WDR27: variants seen among roughly 807,000 people sequenced by gnomAD.
WDR27 encodes WD repeat-containing protein 27.
A neutral mutation model predicts 114.4 loss-of-function variants in WDR27; 100 were observed. The ratio of observed to expected loss-of-function variants is 0.87; its 90% CI spans 0.74 to 1.03. The LOEUF (loss-of-function observed/expected upper bound fraction) is 1.03, where lower values mean the gene tolerates loss of function less well. Ranked by LOEUF, WDR27 falls within the 50% of genes least tolerant of loss-of-function variation. The probability of loss-of-function intolerance (pLI) is 0.00; values close to 1 mark genes in which losing one functional copy is unlikely to be tolerated. For missense variants in WDR27, 1,129 were observed against 1,092.9 expected (o/e 1.03, Z -0.47); for synonymous variants, 449 against 423.1 (o/e 1.06, Z -0.75).
intron 18 of WDR27, 63 bp from the exon 19 acceptor site, chr6:169,636,567 A>G (rs896259543): frequency 6.8e-7 from 1 of 1,467,000 alleles, no homozygotes; most frequent in African/African-American, 1.4e-5. Context: ...CTATTGCTCT[A>G]AACATAAAAT....
chr6:169,520,566 A>C (rs1356514566), intron 25 of WDR27, among the ~76,000 whole-genome samples: 5 of 152,134 alleles, frequency 3.3e-5, no homozygotes, highest in African/African-American at 1.2e-4. Flanking sequence ...CCAGTGACTG[A>C]CTCTCACAAG....
the WDR27 span, among the ~76,000 whole-genome samples, chr6:169,435,590 G>A: frequency 8.5e-5 from 13 of 152,244 alleles, no homozygotes; most frequent in Non-Finnish European, 1.6e-4. Context: ...AGATTTGACT[G>A]CCCCACTGGA....
intron 21 of WDR27, among the ~76,000 whole-genome samples, chr6:169,625,300 ACT>A (rs1814514515): frequency 6.6e-6 from 1 of 152,026 alleles, no homozygotes; most frequent in African/African-American, 2.4e-5. Context: ...TCAAGATGAG[ACT>A]CTCACAGGAG....
intron 22 of WDR27, among the ~76,000 whole-genome samples, chr6:169,607,355 C>T (rs779125890): frequency 9.2e-4 from 139 of 150,856 alleles, no homozygotes; most frequent in Non-Finnish European, 1.1e-3. Flanking sequence ...CATTAACAGG[C>T]GACTGAATAA....
At chr6:169,678,407 A>T (rs1246809648) in intron 2 of WDR27, among the ~76,000 whole-genome samples, 1 of 152,210 alleles carries the variant, frequency 6.6e-6, no homozygotes, top group Non-Finnish European at 1.5e-5. Flanking sequence ...TCTTTTGGCC[A>T]ATTTCTCCCT....
intron 6 of WDR27, chr6:169,666,542 G>C (rs1229383366): frequency 1.2e-5 from 12 of 985,426 alleles, no homozygotes; most frequent in African/African-American, 1.7e-5. Flanking sequence ...ACAAGCACAG[G>C]GGCTGCACGG....
rs1449777358 is a variant in WDR27 at position 169,684,365 on chromosome 6, C to T, written c.189+4452G>A. 6.6e-6 allele frequency among the ~76,000 whole-genome samples: 1 copy of T among 152,136 alleles called. No homozygotes were observed. The highest frequency in any genetic ancestry group is 2.4e-5 in the African/African-American group (1 of 41,420). On this transcript the variant is annotated intron_variant, in intron 2 of 25. Coordinates refer to ENST00000448612, the MANE Select transcript of WDR27 (RefSeq NM_182552.5). This position sits in a 1 kb window ranked among gnomAD's most constrained non-coding sequence, Gnocchi z 4.3. ...GGCACCCCTGCCCCAAGAAGAAATA[C>T]TTCTGGGCTGCCCAATGTCCCCGAG... is the stretch of plus-strand genomic sequence containing the variant.
rs1033021077 is a variant in WDR27 at position 169,647,608 on chromosome 6, A to G, written c.1657+165T>C. On this transcript the variant is annotated intron_variant, in intron 16 of 25. Transcript: ENST00000448612. ...CCCTCACTACAGTCGAGTGAAACGC[A>G]GTCTCGGTTTTCATCCAGACACAAA... 24 of 722,064 alleles carry G rather than the reference A, an allele frequency of 3.3e-5. No individual in the cohort carries two copies. The African/African-American group carries it at 3.5e-4, about 11-fold the overall frequency. The allele number at this position is 722,064 out of a possible 1,614,324, so 44.7% of individuals were successfully genotyped here.
At chr6:169,694,430 T>C (rs1785304581) in intron 1 of WDR27, among the ~76,000 whole-genome samples, 2 of 152,234 alleles carry the variant, frequency 1.3e-5, no homozygotes, top group Non-Finnish European at 2.9e-5. Context: ...AAAATTCTAC[T>C]TTTATAAATT....
At position 169,636,353 on chromosome 6, in the gene WDR27, AGGGCGGGGGGTGCCTACCTCTTAATCTC is replaced by A. The variant is rs1817655297; in HGVS notation, c.1993_2003+17del. On this transcript the variant is annotated splice_donor_variant and splice_donor_5th_base_variant and coding_sequence_variant and intron_variant, in exon 19 of 26. Transcript: ENST00000448612. LOFTEE classifies it high-confidence loss of function. ...TTCCTGTGATCTAAAAATAATGCAC[AGGGCGGGGGGTGCCTACCTCTTAATCTC>A]ATCTTTGCAAGTGTCAATGTGATAC... The A allele has an allele frequency of 6.2e-7, 1 of 1,606,704 alleles. No homozygotes were observed. Among genetic ancestry groups the A allele is most frequent in the African/African-American group, 1.3e-5 (1 of 74,484 alleles).
At chr6:169,559,546 T>C (rs1799378684) in intron 25 of WDR27, 1 of 152,202 alleles carries the variant, frequency 6.6e-6, no homozygotes, top group Non-Finnish European at 1.5e-5. Flanking sequence ...TAATATATGT[T>C]GCCTCTCACA....
chr6:169,635,114 T>A (rs1045676207), intron 19 of WDR27, among the ~76,000 whole-genome samples: 1 of 152,118 alleles, frequency 6.6e-6, no homozygotes, highest in Non-Finnish European at 1.5e-5. Context: ...ATGCCTGTAA[T>A]CCCAGCACTT....
In WDR27 at chr6:169,475,771, T is replaced by C. The variant is rs549577762; in HGVS notation, c.2646-18137A>G. Among the ~76,000 whole-genome samples, 4 of 152,344 alleles carry C rather than the reference T, an allele frequency of 2.6e-5. No individual in the cohort carries two copies. In the East Asian group the frequency reaches 5.8e-4, roughly 22 times the overall value. ...CCTCTCTACATTCTTCTGGCTTAAT[T>C]GCAGTTCTTGAGCCACTGCTCCATT... is the stretch of plus-strand genomic sequence containing the variant. On this transcript the variant is annotated intron_variant, in intron 25 of 25. Transcript: ENST00000448612.
At chr6:169,670,881 G>A (rs999396620) in intron 3 of WDR27, 188 bp from the exon 4 acceptor site, 1 of 719,204 alleles carries the variant, frequency 1.4e-6, no homozygotes, top group African/African-American at 1.8e-5. Flanking sequence ...CTGAAAACCT[G>A]GGGAATGCAG....
chr6:169,696,210 T>C (rs1266766623), intron 1 of WDR27, among the ~76,000 whole-genome samples: 1 of 152,202 alleles, frequency 6.6e-6, no homozygotes, highest in African/African-American at 2.4e-5. Context: ...GTGATCTGTG[T>C]CCTATCGGGA....
At position 169,659,220 on chromosome 6, in the gene WDR27, G is replaced by A. The variant is rs1233010185; in HGVS notation, c.1198-13C>T. ...GCAAGCACAGCACCTGCAGGGACGC[G>A]GTTTCAACATCGTTAGCGACACCAC... On this transcript the variant is annotated splice_polypyrimidine_tract_variant and intron_variant, in intron 11 of 25. Transcript: ENST00000448612. This position sits in a 1 kb window ranked among gnomAD's most constrained non-coding sequence, Gnocchi z 4.3. 19 of 1,583,652 alleles carry A rather than the reference G, an allele frequency of 1.2e-5. No homozygotes were observed. The Admixed American group carries it at 1.3e-4, about 11-fold the overall frequency.
chr6:169,692,401 A>G (rs1042148684), intron 1 of WDR27, among the ~76,000 whole-genome samples: 1 of 152,116 alleles, frequency 6.6e-6, no homozygotes, highest in African/African-American at 2.4e-5. Context: ...GGGAAGTGCT[A>G]CAGATATGAG....
the WDR27 span, among the ~76,000 whole-genome samples, chr6:169,443,755 T>C: frequency 6.6e-6 from 1 of 152,172 alleles, no homozygotes; most frequent in Non-Finnish European, 1.5e-5. Context: ...AGGTGGTTCC[T>C]AGCAGCTCTT....
In WDR27 at chr6:169,665,482, TCACCTGGCCGTCAGCA is replaced by T; in HGVS notation, c.771_783+3del. Reference sequence around the variant, plus strand: ...ACTGGAACTTAACTCTGTGGCTGTCTCACCTGGCCGTCAGCACACCCGGTGACCAGCTGCCTGCTTT... The same window carrying T: ...ACTGGAACTTAACTCTGTGGCTGTCTCACCCGGTGACCAGCTGCCTGCTTT... On this transcript the variant is annotated splice_donor_variant and splice_donor_region_variant and coding_sequence_variant and intron_variant, in exon 7 of 26. Coordinates refer to ENST00000448612, the MANE Select transcript of WDR27 (RefSeq NM_182552.5). LOFTEE classifies it high-confidence loss of function. The T allele has an allele frequency of 1.2e-6, 2 of 1,612,578 alleles. No individual in the cohort carries two copies. Among genetic ancestry groups the T allele is most frequent in the Non-Finnish European group, 1.7e-6 (2 of 1,179,226 alleles).
Sources: allele counts gnomAD v4.1 joint callset (sites outside exome capture counted in the v4.1 genomes callset), GRCh38; gene constraint gnomAD v4.1.1; non-coding constraint Gnocchi (gnomAD v3.1); transcripts MANE v1.5; gene names NCBI Gene and HGNC (gene_info 2026-07-23, HGNC 2026-07-21).